RIMS2: variants seen among roughly 807,000 people sequenced by gnomAD.
RIMS2 encodes regulating synaptic membrane exocytosis 2.
RIMS2 carries 59 observed loss-of-function variants against 174.4 expected under a neutral mutation model. The observed-to-expected ratio is 0.34, with a 90% CI of 0.27 to 0.42. RIMS2 has a LOEUF of 0.42. Ranked by LOEUF, RIMS2 falls within the 10% of genes least tolerant of loss-of-function variation. The pLI, the probability that RIMS2 is intolerant of heterozygous loss-of-function variation, is 1.00. For missense variants in RIMS2, 1,620 were observed against 1,666.3 expected (o/e 0.97, Z 0.48); for synonymous variants, 606 against 572.5 (o/e 1.06, Z -0.84).
intron 19 of RIMS2, among the ~76,000 whole-genome samples, chr8:104,075,700 C>G (rs1212371717): frequency 6.6e-6 from 1 of 152,084 alleles, no homozygotes; most frequent in Non-Finnish European, 1.5e-5. Context: ...AGCAGAATCC[C>G]AAGAGAAATA....
chr8:103,927,855 G>C, exon 11 of RIMS2: 1 of 1,608,102 alleles, frequency 6.2e-7, no homozygotes, highest in Non-Finnish European at 8.5e-7. Flanking sequence ...CAAAGCCTTA[G>C]TAGAAGAACA....
At chr8:104,081,174 C>T (rs1317368576) in intron 19 of RIMS2, among the ~76,000 whole-genome samples, 1 of 151,774 alleles carries the variant, frequency 6.6e-6, no homozygotes, top group African/African-American at 2.4e-5. Context: ...TTTTATGACT[C>T]GGAATGCTTA....
chr8:103,616,693 T>TA (rs1050938765), intron 1 of RIMS2, among the ~76,000 whole-genome samples: 10 of 151,552 alleles, frequency 6.6e-5, no homozygotes, highest in South Asian at 2.1e-4. Context: ...AAAGTCATTG[T>TA]AAAAAAAAAT....
At chr8:103,977,290 TA>T (rs1436853535) in intron 16 of RIMS2, 2 of 152,220 alleles carry the variant, frequency 1.3e-5, no homozygotes, top group African/African-American at 4.8e-5. Flanking sequence ...TAACAAAGTT[TA>T]TAAATGGGAC....
At chr8:104,218,981 A>G (rs771141677) in intron 19 of RIMS2, among the ~76,000 whole-genome samples, 1 of 152,154 alleles carries the variant, frequency 6.6e-6, no homozygotes, top group Non-Finnish European at 1.5e-5. Flanking sequence ...CTTTCTGAGT[A>G]TTTACTTAAG....
At chr8:104,000,039 A>C (rs1047197762) in intron 17 of RIMS2, among the ~76,000 whole-genome samples, 2 of 151,780 alleles carry the variant, frequency 1.3e-5, no homozygotes, top group Non-Finnish European at 3.0e-5. Context: ...TGTAATATTT[A>C]TTTTATATGT....
At chr8:103,678,045 T>C (rs1160552542) in intron 1 of RIMS2, among the ~76,000 whole-genome samples, 1 of 152,198 alleles carries the variant, frequency 6.6e-6, no homozygotes, top group East Asian at 1.9e-4. Flanking sequence ...GACAGATGTA[T>C]GGCGAAACCT....
intron 14 of RIMS2, among the ~76,000 whole-genome samples, chr8:103,947,601 G>A (rs902898969): frequency 2.0e-5 from 3 of 152,076 alleles, no homozygotes; most frequent in Non-Finnish European, 4.4e-5. Context: ...GTCAAAATAT[G>A]GTATAAAAGA....
Position 104,001,130 on chromosome 8 carries a change from A to C in RIMS2, c.3044+11709A>C, listed in dbSNP as rs574057423. 7.2e-5 allele frequency among the ~76,000 whole-genome samples: 11 copies of C among 151,956 alleles called. 1 individual carries two copies. Among genetic ancestry groups the C allele is most frequent in the Middle Eastern group, 3.4e-3 (1 of 294 alleles). ...GTGTTTTTGAGGTCTTACTCAAGAA[A>C]TCTTTGCTAGATAGAAGGAATAAAA... On this transcript the variant is annotated intron_variant, in intron 17 of 23. Transcript: ENST00000504942.
intron 14 of RIMS2, among the ~76,000 whole-genome samples, chr8:103,955,619 T>A (rs1200994254): frequency 1.3e-5 from 2 of 152,056 alleles, no homozygotes; most frequent in South Asian, 2.1e-4. Flanking sequence ...TACAAGCAAT[T>A]TGTGACAAAC....
intron 19 of RIMS2, 38 bp downstream of exon 24, chr8:104,093,681 T>C: frequency 6.7e-7 from 1 of 1,485,506 alleles, no homozygotes; most frequent in Non-Finnish European, 9.2e-7. Flanking sequence ...CTAAATATGT[T>C]TTAGAAGGTC....
chr8:103,639,610 T>C (rs2096178841), intron 1 of RIMS2, among the ~76,000 whole-genome samples: 1 of 151,958 alleles, frequency 6.6e-6, no homozygotes, highest in African/African-American at 2.4e-5. Flanking sequence ...AGTCATGCTG[T>C]TCATATCAGT....
chr8:103,800,333 A>G (rs1254733580), intron 3 of RIMS2, among the ~76,000 whole-genome samples: 1 of 151,618 alleles, frequency 6.6e-6, no homozygotes, highest in Non-Finnish European at 1.5e-5. Flanking sequence ...TCATTTTTTT[A>G]TCCTATTTTA....
Position 104,148,853 on chromosome 8 carries a change from G to A in RIMS2, c.3335-96063G>A. On this transcript the variant is annotated intron_variant, in intron 19 of 23. Coordinates refer to ENST00000504942, the Ensembl canonical transcript of RIMS2. ...CTTCTCAGCTCAGCCAAACGGGTAG[G>A]AATTTCAATGTTACTTTTAACTTGA... is the stretch of plus-strand genomic sequence containing the variant. 1 of 1,594,856 alleles carries A rather than the reference G, an allele frequency of 6.3e-7. No individual in the cohort carries two copies. The highest frequency in any genetic ancestry group is 8.5e-7 in the Non-Finnish European group (1 of 1,177,140).
chr8:104,019,603 T>C (rs1436611475), intron 19 of RIMS2, among the ~76,000 whole-genome samples: 1 of 152,224 alleles, frequency 6.6e-6, no homozygotes, highest in East Asian at 1.9e-4. Flanking sequence ...ACAAATATCA[T>C]CAGTCATCTG....
Position 104,238,467 on chromosome 8 carries a change from A to T in RIMS2, c.3335-6449A>T, listed in dbSNP as rs560832414. 3.1e-4 allele frequency among the ~76,000 whole-genome samples: 45 copies of T among 144,514 alleles called. 1 individual carries two copies. Among genetic ancestry groups the T allele is most frequent in the Middle Eastern group, 7.4e-3 (2 of 272 alleles). The allele number at this position is 144,514 out of a possible 152,430, so 94.8% of individuals were successfully genotyped here. The stretch of plus-strand genomic sequence containing the variant: ...GTATCCCAGAACTTAAAGTAAAATT[A>T]AAAAAAAAAAAAATCTGCTGAGGGG... On this transcript the variant is annotated intron_variant, in intron 19 of 23. Transcript: ENST00000504942.
intron 1 of RIMS2, among the ~76,000 whole-genome samples, chr8:103,680,395 G>A (rs2096865237): frequency 1.3e-5 from 2 of 151,950 alleles, no homozygotes; most frequent in Admixed American, 6.6e-5. Context: ...TTGATTAAAA[G>A]CCTAAATATG....
intron 19 of RIMS2, among the ~76,000 whole-genome samples, chr8:104,222,303 A>T (rs2099159116): frequency 6.6e-6 from 1 of 152,218 alleles, no homozygotes; most frequent in South Asian, 2.1e-4. Context: ...CCTGGCATAT[A>T]CTAGGAGCTC....
intron 2 of RIMS2, among the ~76,000 whole-genome samples, chr8:103,759,260 A>G: frequency 6.6e-6 from 1 of 152,128 alleles, no homozygotes; most frequent in Non-Finnish European, 1.5e-5. Context: ...TTGGCAGCGG[A>G]TCATGATTAA....
Sources: gnomAD v4.1 joint callset for allele counts (sites outside exome capture counted in the v4.1 genomes callset) on GRCh38, gnomAD v4.1.1 for gene constraint, MANE v1.5 for transcripts, NCBI Gene and HGNC (gene_info 2026-07-23, HGNC 2026-07-21) for gene names.